ATP8B4: variants seen among roughly 807,000 people sequenced by gnomAD.
ATP8B4 encodes the protein ATPase phospholipid transporting 8B4 (putative), also known as probable phospholipid-transporting ATPase IM.
ATP8B4 carries 133 observed loss-of-function variants against 145.6 expected under a neutral mutation model. That is an observed-to-expected ratio of 0.91 (90% CI 0.79 to 1.05). The LOEUF is 1.05. Ranked by LOEUF, ATP8B4 falls within the 50% of genes least tolerant of loss-of-function variation. The pLI is 0.00. For missense variants in ATP8B4, 1,458 were observed against 1,425.2 expected (o/e 1.02, Z -0.37); for synonymous variants, 507 against 492.9 (o/e 1.03, Z -0.38).
chr15:50,123,590 C>G (rs1357308448), upstream of ATP8B4, among the ~76,000 whole-genome samples: 2 of 152,154 alleles, frequency 1.3e-5, no homozygotes, highest in African/African-American at 4.8e-5. Flanking sequence ...CCCCTACCCA[C>G]AAAATTATCC....
intron 7 of ATP8B4, among the ~76,000 whole-genome samples, chr15:50,002,742 T>A (rs1439594205): frequency 6.6e-6 from 1 of 151,510 alleles, no homozygotes; most frequent in Non-Finnish European, 1.5e-5. Flanking sequence ...AAGTAAAAGA[T>A]GGTAGGGAGT....
At chr15:50,105,947 A>T (rs572169595) in intron 2 of ATP8B4, among the ~76,000 whole-genome samples, 104 of 152,314 alleles carry the variant, frequency 6.8e-4, no homozygotes, top group African/African-American at 2.5e-3. Flanking sequence ...AATGGGTGGC[A>T]ATAATTCTAG....
chr15:50,075,122 C>G (rs1248142304), intron 2 of ATP8B4, among the ~76,000 whole-genome samples: 1 of 152,018 alleles, frequency 6.6e-6, no homozygotes, highest in South Asian at 2.1e-4. Context: ...CAGTAAGAGT[C>G]TGAGTTTAGA....
At chr15:50,091,906 G>A (rs971642496) in intron 2 of ATP8B4, among the ~76,000 whole-genome samples, 5 of 152,094 alleles carry the variant, frequency 3.3e-5, no homozygotes, top group Non-Finnish European at 4.4e-5. Context: ...ATAAATGCTA[G>A]AGGAAATATA....
At chr15:50,082,518 T>G (rs1057076816) in intron 2 of ATP8B4, among the ~76,000 whole-genome samples, 3 of 152,220 alleles carry the variant, frequency 2.0e-5, no homozygotes, top group Admixed American at 1.3e-4. Context: ...ATCCAGATAG[T>G]TGGAAAATTT....
intron 14 of ATP8B4, among the ~76,000 whole-genome samples, chr15:49,955,645 G>A (rs2043494327): frequency 6.6e-6 from 1 of 152,124 alleles, no homozygotes; most frequent in South Asian, 2.1e-4. Flanking sequence ...TAGACAAACA[G>A]ATAAGGGAAA....
chr15:49,982,349 C>A (rs187236157), intron 10 of ATP8B4: 15 of 152,254 alleles, frequency 9.9e-5, no homozygotes, highest in Admixed American at 5.2e-4. Context: ...TGTGTATAGA[C>A]CACCCACATT....
At chr15:50,141,611 A>C (rs750943792) in intron 1 of ATP8B4, among the ~76,000 whole-genome samples, 6 of 152,156 alleles carry the variant, frequency 3.9e-5, no homozygotes, top group Non-Finnish European at 8.8e-5. Flanking sequence ...ATATGTAAAC[A>C]GGTGATTTAT....
chr15:49,953,356 C>G (rs780238772), intron 14 of ATP8B4, among the ~76,000 whole-genome samples: 4 of 152,134 alleles, frequency 2.6e-5, no homozygotes, highest in Admixed American at 6.5e-5. Flanking sequence ...CACCCCTCCC[C>G]CTAGGGGCTC....
intron 1 of ATP8B4, among the ~76,000 whole-genome samples, chr15:50,136,645 G>A (rs1025932989): frequency 6.6e-6 from 1 of 152,172 alleles, no homozygotes; most frequent in Non-Finnish European, 1.5e-5. Flanking sequence ...CATTTGGGGG[G>A]TTTACCCTTT....
intron 3 of ATP8B4, among the ~76,000 whole-genome samples, chr15:50,073,125 G>A (rs536880304): frequency 1.5e-4 from 22 of 149,828 alleles, no homozygotes; most frequent in Admixed American, 4.7e-4. Flanking sequence ...TCTGGGACAC[G>A]TGCAGAATGT....
At chr15:50,070,354 C>G (rs1057417019) in intron 3 of ATP8B4, among the ~76,000 whole-genome samples, 1 of 152,104 alleles carries the variant, frequency 6.6e-6, no homozygotes, top group Non-Finnish European at 1.5e-5. Flanking sequence ...AATCCCAGCT[C>G]TACTTAGACT....
At chr15:50,010,245 T>C (rs377757308) in intron 7 of ATP8B4, among the ~76,000 whole-genome samples, 3 of 152,134 alleles carry the variant, frequency 2.0e-5, no homozygotes, top group African/African-American at 7.2e-5. Context: ...TATAGTTAGT[T>C]GCATATATTT....
At chr15:50,051,576 A>G (rs1180052870) in intron 3 of ATP8B4, among the ~76,000 whole-genome samples, 2 of 152,210 alleles carry the variant, frequency 1.3e-5, no homozygotes, top group Non-Finnish European at 2.9e-5. Flanking sequence ...AAGTTAACAC[A>G]CTGCAAAATA....
intron 20 of ATP8B4, among the ~76,000 whole-genome samples, chr15:49,912,334 A>G (rs1035838066): frequency 1.3e-5 from 2 of 152,186 alleles, no homozygotes; most frequent in African/African-American, 2.4e-5. Flanking sequence ...CAGGAATGAA[A>G]ACAAAGACAT....
intron 13 of ATP8B4, among the ~76,000 whole-genome samples, chr15:49,971,008 C>T (rs781401027): frequency 4.1e-4 from 63 of 152,288 alleles, no homozygotes; most frequent in Middle Eastern, 3.4e-3. Flanking sequence ...CCTTCAAAAA[C>T]AAGCAATGGA....
At chr15:50,040,431 T>A (rs1182152822) in intron 5 of ATP8B4, among the ~76,000 whole-genome samples, 1 of 152,184 alleles carries the variant, frequency 6.6e-6, no homozygotes, top group Non-Finnish European at 1.5e-5. Context: ...AATGATCCCA[T>A]CATTATTAAA....
chr15:49,871,763 A>G (rs2033701374), intron 25 of ATP8B4, among the ~76,000 whole-genome samples: 1 of 152,038 alleles, frequency 6.6e-6, no homozygotes, highest in South Asian at 2.1e-4. Context: ...GGAAGCCTCT[A>G]CTCATTCTGC....
At position 49,877,949 on chromosome 15, in the gene ATP8B4, T is replaced by C. The variant is rs570222905; in HGVS notation, c.2782-1426A>G. Among the ~76,000 whole-genome samples the C allele has an allele frequency of 5.9e-5, 9 of 152,242 alleles. No homozygotes were observed. In the East Asian group the frequency reaches 1.7e-3, roughly 29 times the overall value. ...TATTGGCTGTGTGGCTTTAGGGAAA[T>C]GACTCTCCAAGGCTTGGTTTCTGCC... On this transcript the variant is annotated intron_variant, in intron 24 of 27. Coordinates refer to ENST00000284509, the MANE Select transcript of ATP8B4 (RefSeq NM_024837.4).
Sources: gnomAD v4.1 joint callset for allele counts (sites outside exome capture counted in the v4.1 genomes callset) on GRCh38, gnomAD v4.1.1 for gene constraint, MANE v1.5 for transcripts, NCBI Gene and HGNC (gene_info 2026-07-23, HGNC 2026-07-21) for gene names.